Variants in ODAM observed in about 807,000 individuals in gnomAD.
ODAM encodes odontogenic ameloblast-associated protein.
Under a neutral mutation model 48.5 loss-of-function variants are expected in ODAM, and 55 were observed. The observed-to-expected ratio is 1.13, with a 90% CI of 0.91 to 1.42. The LOEUF (loss-of-function observed/expected upper bound fraction) is 1.42, where lower values mean the gene tolerates loss of function less well. Among genes scored for constraint, ODAM ranks in the 40% most tolerant of loss-of-function variants. ODAM has a pLI of 0.00. For synonymous variants in ODAM, 127 were observed against 107.8 expected (o/e 1.18, Z -1.10); for missense variants, 353 against 323.6 (o/e 1.09, Z -0.70).
At chr4:70,201,136 T>C (rs934519499) in intron 7 of ODAM, among the ~76,000 whole-genome samples, 2 of 151,914 alleles carry the variant, frequency 1.3e-5, no homozygotes, top group African/African-American at 4.8e-5. Context: ...GTCTTTTTTT[T>C]AGTTTAATCA....
At chr4:70,200,641 T>A (rs759155348) in intron 7 of ODAM, 40 bp downstream of exon 7, 1 of 1,314,532 alleles carries the variant, frequency 7.6e-7, no homozygotes, top group Non-Finnish European at 1.1e-6. Flanking sequence ...TAGTTCCACT[T>A]GAAAATAGAG....
rs753995221 is a variant in ODAM, at chr4:70,201,514, A to G, written c.576+13A>G. ...ACTAGCAGAACCTGTAAGTAAATGCATATTTTTCATTAAAAATATTTTGAA... is the reference window on the plus strand; with the variant it reads ...ACTAGCAGAACCTGTAAGTAAATGCGTATTTTTCATTAAAAATATTTTGAA... On this transcript the variant is annotated intron_variant, in intron 8 of 11. Coordinates refer to ENST00000683306, the MANE Select transcript of ODAM (RefSeq NM_017855.4). The G allele has an allele frequency of 1.6e-5, 22 of 1,376,418 alleles. No homozygotes were observed. In the Admixed American group the frequency reaches 3.6e-4, roughly 23 times the overall value. 85.3% of individuals were successfully genotyped at this position (1,376,418 alleles called of 1,614,324 possible).
In ODAM at chr4:70,202,724, G is replaced by A. The variant is rs200186812; in HGVS notation, c.649-32G>A. ...ATTTTGGCCTTCTTGTTGAACTTAC[G>A]ACAACTTTGTTTTCATTCTCATTCT... On this transcript the variant is annotated intron_variant, in intron 9 of 11. Coordinates refer to ENST00000683306, the MANE Select transcript of ODAM (RefSeq NM_017855.4). 3.7e-4 allele frequency: 584 copies of A among 1,567,826 alleles called. 1 individual carries two copies. In the African/African-American group the frequency reaches 4.9e-3, roughly 13 times the overall value.
rs1316049817 is a variant in ODAM, at chr4:70,202,695, C to T, written c.649-61C>T. The T allele has an allele frequency of 9.3e-6, 12 of 1,289,490 alleles. No individual in the cohort carries two copies. The South Asian group carries it at 1.5e-4, about 17-fold the overall frequency. 79.9% of individuals were successfully genotyped at this position (1,289,490 alleles called of 1,614,324 possible). A position where few individuals can be genotyped will look rare whatever the true frequency, so the allele number is the denominator to read the frequency against. ...CTCAATCCTGTTGCTTTACATTCTT[C>T]CCAATTTTGGCCTTCTTGTTGAACT... On this transcript the variant is annotated intron_variant, in intron 9 of 11. Transcript: ENST00000683306.
chr4:70,198,045 C>A lies in ODAM; in HGVS notation c.263C>A (p.Pro88Gln). The A allele has an allele frequency of 6.2e-7, 1 of 1,613,306 alleles. No individual in the cohort carries two copies. Among genetic ancestry groups the A allele is most frequent in the Non-Finnish European group, 8.5e-7 (1 of 1,179,562 alleles). ...SALDQFAGLL[P>Q]NQIPLTGEAS... is the part of the protein sequence containing the mutation. ...CTAGACCAGTTTGCTGGACTGCTCCCAAATCAGATACCCTTAACAGGAGAG... is the reference window on the plus strand; with the variant it reads ...CTAGACCAGTTTGCTGGACTGCTCCAAAATCAGATACCCTTAACAGGAGAG... Residue 88 changes from proline to glutamine, a missense_variant, in exon 5 of 12, where the codon CCA (proline) becomes CAA (glutamine). Transcript: ENST00000683306.
At position 70,196,420 on chromosome 4, in the gene ODAM, A is replaced by T. The variant is rs1029187146; in HGVS notation, c.-15-109A>T. ...ATTTTAAATTGCAAAATGTAAGTAAATACTATAGAATTCACCCAGCTATTC... is the reference window on the plus strand; with the variant it reads ...ATTTTAAATTGCAAAATGTAAGTAATTACTATAGAATTCACCCAGCTATTC... On this transcript the variant is annotated intron_variant, in intron 1 of 11. Coordinates refer to ENST00000683306, the MANE Select transcript of ODAM (RefSeq NM_017855.4). 1.1e-5 allele frequency: 6 copies of T among 563,068 alleles called. No homozygotes were observed. In the Admixed American group the frequency reaches 2.1e-4, roughly 20 times the overall value. The allele number at this position is 563,068 out of a possible 1,614,324, so 34.9% of individuals were successfully genotyped here. A position where few individuals can be genotyped will look rare whatever the true frequency, so the allele number is the denominator to read the frequency against.
rs766160810 is a variant in ODAM, at chr4:70,203,230, A to G, written c.*29+16A>G. ...AGACATTTTGGTAGGTATTTGCCAA[A>G]GTCAAGAATTAGGTGCCACGACAAT... is the stretch of plus-strand genomic sequence containing the variant. On this transcript the variant is annotated intron_variant, in intron 11 of 11. Transcript: ENST00000683306. 1 of 1,461,786 alleles carries G rather than the reference A, an allele frequency of 6.8e-7. No homozygotes were observed. The allele number at this position is 1,461,786 out of a possible 1,614,324, so 90.6% of individuals were successfully genotyped here.
intron 7 of ODAM, 84 bp from the exon 8 acceptor site, chr4:70,201,370 T>C (rs950921376): frequency 1.5e-6 from 1 of 648,802 alleles, no homozygotes; most frequent in Non-Finnish European, 2.7e-6. Context: ...TAAAAAGATA[T>C]ATAAGTTTAA....
chr4:70,197,957 G>A lies in ODAM; in HGVS notation c.175G>A (p.Gly59Arg), dbSNP rs1416412302. 5.0e-6 allele frequency: 8 copies of A among 1,613,018 alleles called. No individual in the cohort carries two copies. Among genetic ancestry groups the A allele is most frequent in the Non-Finnish European group, 5.9e-6 (7 of 1,179,482 alleles). The change falls in exon 5 of 12, where the codon GGA becomes AGA. Residue 59 changes from glycine to arginine, a missense_variant. By Grantham distance (125) the Gly-to-Arg change is moderately radical. Coordinates refer to ENST00000683306, the MANE Select transcript of ODAM (RefSeq NM_017855.4). Reference protein sequence around the residue: ...PLNSWIPPFSGILQQQQQAQI... With the variant: ...PLNSWIPPFSRILQQQQQAQI... ...TAATTCATGGATTCCACCTTTCTCT[G>A]GAATTTTACAACAGCAGCAGCAGGC...
chr4:70,197,347 A>G, intron 4 of ODAM, 26 bp downstream of exon 4: 1 of 1,227,378 alleles, frequency 8.1e-7, no homozygotes, highest in Non-Finnish European at 1.2e-6. Context: ...TAATTACTTT[A>G]TGGGGAATAT....
In ODAM at chr4:70,198,568, T is replaced by G; in HGVS notation, c.376-11T>G. ...AAGCATACATTTTTATATAATTCTT[T>G]TTTTTGGCAGGTGATGCCCTATGTA... On this transcript the variant is annotated splice_polypyrimidine_tract_variant and intron_variant, in intron 5 of 11. Transcript: ENST00000683306. The G allele has an allele frequency of 6.3e-7, 1 of 1,582,974 alleles. No homozygotes were observed. Among genetic ancestry groups the G allele is most frequent in the African/African-American group, 1.4e-5 (1 of 72,784 alleles).
chr4:70,197,122 T>C (rs1466807455), intron 3 of ODAM, 152 bp from the exon 4 acceptor site: 2 of 608,086 alleles, frequency 3.3e-6, no homozygotes, highest in Admixed American at 6.2e-5. Context: ...TTCTAATCAC[T>C]GTAATTTAAT....
Position 70,198,061 on chromosome 4 carries a change from A to G in ODAM, c.279A>G (p.Leu93=). ...GACTGCTCCCAAATCAGATACCCTT[A>G]ACAGGAGAGGCCAGTTTTGCCCAAG... The part of the protein sequence containing the change: ...FAGLLPNQIP[L]TGEASFAQGA... The change falls in exon 5 of 12, where the codon TTA becomes TTG. Residue 93 remains leucine (L), a synonymous_variant. Coordinates refer to ENST00000683306, the MANE Select transcript of ODAM (RefSeq NM_017855.4). The G allele has an allele frequency of 6.2e-7, 1 of 1,613,336 alleles. No homozygotes were observed. Among genetic ancestry groups the G allele is most frequent in the Non-Finnish European group, 8.5e-7 (1 of 1,179,542 alleles).
At position 70,199,866 on chromosome 4, in the gene ODAM, A is replaced by G. The variant is rs183584898; in HGVS notation, c.424-631A>G. ...TACAAAAATTAACATATGTACTAAG[A>G]TTCTCATTTTCTATGAACACATACA... On this transcript the variant is annotated intron_variant, in intron 6 of 11. Transcript: ENST00000683306. Among the ~76,000 whole-genome samples, 6 of 152,104 alleles carry G rather than the reference A, an allele frequency of 3.9e-5. No individual in the cohort carries two copies. In the East Asian group the frequency reaches 1.2e-3, roughly 30 times the overall value.
At position 70,202,863 on chromosome 4, in the gene ODAM, T is replaced by C. The variant is rs370493628; in HGVS notation, c.756T>C (p.Asn252=). Residue 252 remains asparagine (N), a synonymous_variant, in exon 10 of 12, where the codon AAT becomes AAC. Transcript: ENST00000683306. ...CTTCACCAAAACCCAGCACAACCAATGTTTTCACTTCTGCTGTAGACCAAA... is the reference window on the plus strand; with the variant it reads ...CTTCACCAAAACCCAGCACAACCAACGTTTTCACTTCTGCTGTAGACCAAA... ...PSTSPKPSTT[N]VFTSAVDQTI... is the part of the protein sequence containing the mutation. 395 of 1,612,290 alleles carry C rather than the reference T, an allele frequency of 2.4e-4. No individual in the cohort carries two copies. Among genetic ancestry groups the C allele is most frequent in the Non-Finnish European group, 3.0e-4 (359 of 1,179,068 alleles).
rs1729390479 is a variant in ODAM at position 70,197,298 on chromosome 4, C to G, written c.118C>G (p.Gln40Glu). ...GTTACTTCTTAATCTTAATAATGGT[C>G]AACTTTTGCCACTACAACTTCAGGT... ...NELLLNLNNG[Q>E]LLPLQLQGPL... is the part of the protein sequence containing the mutation. The change falls in exon 4 of 12, where the codon CAA (glutamine) becomes GAA (glutamate). Residue 40 changes from glutamine to glutamate, a missense_variant. Coordinates refer to ENST00000683306, the MANE Select transcript of ODAM (RefSeq NM_017855.4). 2 of 1,446,236 alleles carry G rather than the reference C, an allele frequency of 1.4e-6. No individual in the cohort carries two copies. The highest frequency in any genetic ancestry group is 1.1e-5 in the South Asian group (1 of 86,982). 89.6% of individuals were successfully genotyped at this position (1,446,236 alleles called of 1,614,324 possible).
rs1221976590 is a variant in ODAM, at chr4:70,198,250, T to C, written c.375+93T>C. 4.9e-6 allele frequency: 5 copies of C among 1,015,204 alleles called. No homozygotes were observed. In the East Asian group the frequency reaches 7.4e-5, roughly 15 times the overall value. 62.9% of individuals were successfully genotyped at this position (1,015,204 alleles called of 1,614,324 possible). On this transcript the variant is annotated intron_variant, in intron 5 of 11. Coordinates refer to ENST00000683306, the MANE Select transcript of ODAM (RefSeq NM_017855.4). ...GAATCAGCTTTGAAATAGGCAGGGG[T>C]TTTTGAACAATATTTTTTCTCATTA...
chr4:70,197,371 AT>A, intron 4 of ODAM, 50 bp downstream of exon 4: 1 of 954,634 alleles, frequency 1.0e-6, no homozygotes, highest in Non-Finnish European at 1.7e-6. Flanking sequence ...CCTATTGCTC[AT>A]TTATGTTATT....
chr4:70,196,672 T>G lies in ODAM; in HGVS notation c.52-20T>G. ...CCTTCTTTTTACTATTTCTGATTTT[T>G]TTTTCATTTTTACTTTTAGCTTATC... On this transcript the variant is annotated intron_variant, in intron 2 of 11. Transcript: ENST00000683306. 1.9e-6 allele frequency: 3 copies of G among 1,606,508 alleles called. No individual in the cohort carries two copies. The highest frequency in any genetic ancestry group is 2.6e-6 in the Non-Finnish European group (3 of 1,175,882).
Sources: allele counts gnomAD v4.1 joint callset (sites outside exome capture counted in the v4.1 genomes callset), GRCh38; gene constraint gnomAD v4.1.1; transcripts MANE v1.5; gene names NCBI Gene and HGNC (gene_info 2026-07-23, HGNC 2026-07-21).